Variants in TM9SF4 observed in about 807,000 individuals in gnomAD.
The protein encoded by TM9SF4 is dinucleotide oxidase disulfide thiol exchanger 3 superfamily member 4.
A neutral mutation model predicts 90.4 loss-of-function variants in TM9SF4; 26 were observed. The ratio of observed to expected loss-of-function variants is 0.29; its 90% confidence interval spans 0.21 to 0.40. TM9SF4 has a LOEUF of 0.40. TM9SF4 is among the 10% of genes least tolerant of loss of function. TM9SF4 has a pLI of 1.00. For missense variants in TM9SF4, 549 were observed against 834.8 expected, an observed-to-expected ratio of 0.66 and a Z score of 4.22; for synonymous variants, 293 against 315.4, an observed-to-expected ratio of 0.93 and a Z score of 0.75.
chr20:32,144,305 T>C (rs781145254), intron 6 of TM9SF4, among the ~76,000 whole-genome samples: 6 of 152,222 alleles, frequency 3.9e-5, no homozygotes, highest in Admixed American at 1.3e-4. Context: ...TATTATATGT[T>C]GTTGGTTGAA....
Position 32,123,866 on chromosome 20 carries a change from A to ATTTTT in TM9SF4, c.16-9140_16-9136dup, listed in dbSNP as rs1165240152. Among the ~76,000 whole-genome samples the ATTTTT allele has an allele frequency of 4.5e-3, 426 of 93,948 alleles. 5 individuals are homozygous for ATTTTT. Among genetic ancestry groups the ATTTTT allele is most frequent in the Non-Finnish European group, 5.7e-3 (292 of 51,254 alleles). The allele number at this position is 93,948 out of a possible 152,430, so 61.6% of individuals were successfully genotyped here. A position where few individuals can be genotyped will look rare whatever the true frequency, so the allele number is the denominator to read the frequency against. ...CTCTCATATATATATATATATATAT[A>ATTTTT]TTTTTTTTTTTAAAGAGATAGGGTC... On this transcript the variant is annotated intron_variant, in intron 1 of 17. Transcript: ENST00000398022.
intron 14 of TM9SF4, 125 bp downstream of exon 14, chr20:32,158,094 G>T: frequency 7.6e-7 from 1 of 1,308,602 alleles, no homozygotes. Flanking sequence ...GTTTATGAAA[G>T]CTTAACTTCA....
rs75546298 is a variant in TM9SF4 at position 32,111,949 on chromosome 20, C to T, written c.15+2194C>T. Among the ~76,000 whole-genome samples the T allele has an allele frequency of 9.7e-3, 1,479 of 152,230 alleles. 12 individuals carry two copies. The highest frequency in any genetic ancestry group is 0.016 in the Non-Finnish European group (1,061 of 68,022). On this transcript the variant is annotated intron_variant, in intron 1 of 17. Transcript: ENST00000398022. ...GCATGCCTGGAAATGGGAAGGACTG[C>T]GGTCTACATTTTGTTGTCTGTGGAT... is the stretch of plus-strand genomic sequence containing the variant.
intron 2 of TM9SF4, among the ~76,000 whole-genome samples, chr20:32,134,391 T>G (rs1316404553): frequency 6.6e-6 from 1 of 152,160 alleles, no homozygotes; most frequent in Non-Finnish European, 1.5e-5. Flanking sequence ...TTTTTGGCCA[T>G]TTTTCCTCAA....
rs200973759 is a variant in TM9SF4, at chr20:32,165,750, A to AT, written c.*315dup. The stretch of plus-strand genomic sequence containing the variant: ...TTATTCAGGTGTATTTCTGGTTTGG[A>AT]TTTTTTTTTCCTTCTTTGTTTTAAC... On this transcript the variant is annotated 3_prime_UTR_variant, in exon 18 of 18. Coordinates refer to ENST00000398022, the MANE Select transcript of TM9SF4 (RefSeq NM_014742.4). 2,734 of 309,828 alleles carry AT rather than the reference A, an allele frequency of 8.8e-3. 51 individuals are homozygous for AT. The highest frequency in any genetic ancestry group is 0.047 in the African/African-American group (2,199 of 46,674). 19.2% of individuals were successfully genotyped at this position (309,828 alleles called of 1,614,324 possible).
At chr20:32,117,124 T>A (rs1263047453) in intron 1 of TM9SF4, among the ~76,000 whole-genome samples, 3 of 148,706 alleles carry the variant, frequency 2.0e-5, no homozygotes, top group Non-Finnish European at 4.4e-5. Context: ...CTCAGGAGGC[T>A]GAGGCAGGAG....
At chr20:32,116,296 A>C (rs1321683947) in intron 1 of TM9SF4, 1 of 152,234 alleles carries the variant, frequency 6.6e-6, no homozygotes, top group African/African-American at 2.4e-5. Flanking sequence ...AAGTGCTAGC[A>C]CAGAGAGGGC....
chr20:32,121,522 A>G (rs1355833517), intron 1 of TM9SF4, among the ~76,000 whole-genome samples: 3 of 151,810 alleles, frequency 2.0e-5, no homozygotes, highest in Non-Finnish European at 4.4e-5. Flanking sequence ...GTTGGGGGTA[A>G]GGTCACAGAT....
chr20:32,166,691 G>C lies in TM9SF4; in HGVS notation c.*1247G>C, dbSNP rs2047103419. On this transcript the variant is annotated 3_prime_UTR_variant, in exon 18 of 18. Transcript: ENST00000398022. The stretch of plus-strand genomic sequence containing the variant: ...AGAAGGGTCTCACGTGGCTGGCCTG[G>C]CTCCTCCGTAGACCCCTGTTCTTTT... 1 of 152,226 alleles carries C rather than the reference G, an allele frequency of 6.6e-6. No individual in the cohort carries two copies. Among genetic ancestry groups the C allele is most frequent in the Non-Finnish European group, 1.5e-5 (1 of 68,072 alleles). 9.4% of individuals were successfully genotyped at this position (152,226 alleles called of 1,614,324 possible). A position where few individuals can be genotyped will look rare whatever the true frequency, so the allele number is the denominator to read the frequency against.
chr20:32,147,245 T>C (rs918539469), intron 9 of TM9SF4, among the ~76,000 whole-genome samples: 1 of 152,186 alleles, frequency 6.6e-6, no homozygotes, highest in African/African-American at 2.4e-5. Context: ...CCGAAAGTAC[T>C]GGGATTACAG....
chr20:32,137,559 G>A (rs931540861), intron 3 of TM9SF4, among the ~76,000 whole-genome samples: 2 of 152,172 alleles, frequency 1.3e-5, no homozygotes, highest in Non-Finnish European at 2.9e-5. Flanking sequence ...TGGCCTAAGG[G>A]CTCTTTGACT....
chr20:32,131,506 G>A (rs1033700460), intron 1 of TM9SF4, among the ~76,000 whole-genome samples: 7 of 151,724 alleles, frequency 4.6e-5, no homozygotes, highest in African/African-American at 1.7e-4. Context: ...GTGTGTGTGT[G>A]TGTTGGTTAG....
chr20:32,134,881 C>T (rs551635670), intron 2 of TM9SF4, among the ~76,000 whole-genome samples: 46 of 152,188 alleles, frequency 3.0e-4, no homozygotes, highest in Non-Finnish European at 5.3e-4. Context: ...CCATGTTGGC[C>T]AGGCTGGTCT....
intron 1 of TM9SF4, among the ~76,000 whole-genome samples, chr20:32,127,182 C>T (rs976588642): frequency 2.6e-5 from 4 of 152,108 alleles, no homozygotes; most frequent in African/African-American, 9.7e-5. Context: ...AATAAGAGTC[C>T]CTACCTCATA....
intron 2 of TM9SF4, 96 bp from the exon 3 acceptor site, chr20:32,135,978 C>T (rs566803575): frequency 2.1e-5 from 21 of 984,354 alleles, no homozygotes; most frequent in Non-Finnish European, 3.2e-5. Context: ...TCTGCTAATT[C>T]GTTTGCCTAT....
rs945446224 is a variant in TM9SF4 at position 32,158,748 on chromosome 20, C to T, written c.1569+234C>T. 3.3e-5 allele frequency among the ~76,000 whole-genome samples: 5 copies of T among 151,992 alleles called. No homozygotes were observed. In the East Asian group the frequency reaches 9.7e-4, roughly 29 times the overall value. On this transcript the variant is annotated intron_variant, in intron 15 of 17. Transcript: ENST00000398022. ...CTGTAATTTCAGCACTTTGGGAGGC[C>T]GAGGTGGGTGGATCACAAGGTCAGG... is the stretch of plus-strand genomic sequence containing the variant.
intron 3 of TM9SF4, among the ~76,000 whole-genome samples, 154 bp downstream of exon 3, chr20:32,136,327 G>A (rs1051328272): frequency 3.9e-5 from 6 of 152,142 alleles, no homozygotes; most frequent in Non-Finnish European, 8.8e-5. Context: ...TAACAGCCCC[G>A]GGGAGACAGT....
intron 13 of TM9SF4, among the ~76,000 whole-genome samples, chr20:32,156,223 C>T (rs1435767927): frequency 3.9e-5 from 6 of 152,108 alleles, no homozygotes. Flanking sequence ...CTGTTCTAAA[C>T]ACTTTATATA....
At chr20:32,131,239 T>C (rs1027589761) in intron 1 of TM9SF4, among the ~76,000 whole-genome samples, 1 of 152,194 alleles carries the variant, frequency 6.6e-6, no homozygotes, top group African/African-American at 2.4e-5. Flanking sequence ...GGCAGATACT[T>C]GTAAACGTTC....
Sources: gnomAD v4.1 joint callset for allele counts (sites outside exome capture counted in the v4.1 genomes callset) on GRCh38, gnomAD v4.1.1 for gene constraint, MANE v1.5 for transcripts, NCBI Gene and HGNC (gene_info 2026-07-23, HGNC 2026-07-21) for gene names.